FHAD1: variants seen among roughly 807,000 people sequenced by gnomAD.
The protein encoded by FHAD1 is forkhead-associated domain-containing protein 1.
In FHAD1, 146 loss-of-function variants were observed where a neutral mutation model predicts 191.3. That is an observed-to-expected ratio of 0.76 (90% CI 0.67 to 0.88). FHAD1 has a LOEUF of 0.88. FHAD1 is among the 40% of genes least tolerant of loss of function. The pLI is 0.00. For missense variants in FHAD1, 1,635 were observed against 1,785.8 expected, an observed-to-expected ratio of 0.92 and a Z score of 1.52; for synonymous variants, 616 against 672.3, an observed-to-expected ratio of 0.92 and a Z score of 1.29.
chr1:15,331,001 C>A (rs930253672), intron 14 of FHAD1, among the ~76,000 whole-genome samples: 4 of 152,010 alleles, frequency 2.6e-5, no homozygotes, highest in African/African-American at 7.3e-5. Context: ...AAAGAAGATT[C>A]AGGGGCGAGT....
chr1:15,381,486 C>A lies in FHAD1; in HGVS notation c.4022+35C>A. 4.7e-6 allele frequency: 7 copies of A among 1,498,356 alleles called. No individual in the cohort carries two copies. The highest frequency in any genetic ancestry group is 2.1e-4 in the Middle Eastern group (1 of 4,736). The allele number at this position is 1,498,356 out of a possible 1,614,324, so 92.8% of individuals were successfully genotyped here. A position where few individuals can be genotyped will look rare whatever the true frequency, so the allele number is the denominator to read the frequency against. On this transcript the variant is annotated intron_variant, in intron 30 of 33. Coordinates refer to ENST00000688493, the MANE Select transcript of FHAD1 (RefSeq NM_001391957.1). The surrounding 1 kb of genome is among the most constrained non-coding windows in gnomAD (Gnocchi z 4.6). ...CACCCCCATGTCCCCACAGAAAGGC[C>A]CGGGCCTCCCTTCTCCTGGCTAAAC... is the stretch of plus-strand genomic sequence containing the variant.
intron 21 of FHAD1, among the ~76,000 whole-genome samples, chr1:15,360,254 A>G (rs1332092461): frequency 6.6e-6 from 1 of 152,238 alleles, no homozygotes. Context: ...GTAGTCAGGG[A>G]GGGCCTCTCA....
At chr1:15,333,824 C>CTTT (rs55698715) in intron 14 of FHAD1, among the ~76,000 whole-genome samples, 2,686 of 64,818 alleles carry the variant, frequency 0.041, 305 homozygotes, top group African/African-American at 0.05. Flanking sequence ...TTTTATTTAT[C>CTTT]TTTTTTTTTT....
At chr1:15,285,335 C>T (rs1662064331) in intron 3 of FHAD1, among the ~76,000 whole-genome samples, 1 of 152,232 alleles carries the variant, frequency 6.6e-6, no homozygotes, top group Admixed American at 6.5e-5. Flanking sequence ...GGTTGAAGAC[C>T]AGCCTGGCCA....
intron 31 of FHAD1, chr1:15,383,707 C>G (rs1701441025): frequency 3.3e-6 from 1 of 304,048 alleles, no homozygotes; most frequent in Non-Finnish European, 6.6e-6. Context: ...TCATGACCGT[C>G]TCCAGGCCAG....
chr1:15,278,209 A>G (rs1183107007), intron 3 of FHAD1, among the ~76,000 whole-genome samples: 1 of 152,172 alleles, frequency 6.6e-6, no homozygotes, highest in East Asian at 1.9e-4. Flanking sequence ...GACAGAGATC[A>G]TATGGCACAC....
At chr1:15,398,955 G>T (rs1245721698), downstream of FHAD1, among the ~76,000 whole-genome samples, 2 of 151,926 alleles carry the variant, frequency 1.3e-5, no homozygotes, top group Non-Finnish European at 2.9e-5. Flanking sequence ...TAAGTAGCTG[G>T]GATTACAGGC....
chr1:15,360,059 G>A (rs1694249028), intron 21 of FHAD1, among the ~76,000 whole-genome samples: 1 of 152,204 alleles, frequency 6.6e-6, no homozygotes, highest in African/African-American at 2.4e-5. Context: ...GTTGCAGTGA[G>A]CCAAGATAGT....
intron 22 of FHAD1, 74 bp downstream of exon 22, chr1:15,360,777 C>A: frequency 8.0e-7 from 1 of 1,247,768 alleles, no homozygotes; most frequent in Non-Finnish European, 1.1e-6. Flanking sequence ...TCCCAACAGG[C>A]TGATGGCTAA....
intron 5 of FHAD1, among the ~76,000 whole-genome samples, chr1:15,297,660 G>A (rs745906514): frequency 6.6e-6 from 1 of 152,176 alleles, no homozygotes; most frequent in Admixed American, 6.5e-5. Flanking sequence ...TCTATGGGTT[G>A]CCTTGGAAGG....
At chr1:15,401,477 C>A (rs1707125513), downstream of FHAD1, among the ~76,000 whole-genome samples, 1 of 152,238 alleles carries the variant, frequency 6.6e-6, no homozygotes, top group Non-Finnish European at 1.5e-5. Flanking sequence ...AGCTAAGACA[C>A]ACAACTTCCT....
At chr1:15,337,250 G>C (rs529685114) in intron 14 of FHAD1, among the ~76,000 whole-genome samples, 4 of 152,186 alleles carry the variant, frequency 2.6e-5, no homozygotes, top group Non-Finnish European at 5.9e-5. Context: ...AGTCCTGCCA[G>C]TGCCTCAAAT....
At chr1:15,396,419 C>T (rs1012113256) in intron 33 of FHAD1, among the ~76,000 whole-genome samples, 17 of 152,012 alleles carry the variant, frequency 1.1e-4, no homozygotes, top group African/African-American at 2.7e-4. Flanking sequence ...CTTTGAGTAA[C>T]GTGATAATGA....
At chr1:15,390,684 C>T (rs553692695) in intron 32 of FHAD1, among the ~76,000 whole-genome samples, 1 of 152,088 alleles carries the variant, frequency 6.6e-6, no homozygotes, top group Non-Finnish European at 1.5e-5. Context: ...TCTTGGGGAC[C>T]CCAGGGTCAG....
At chr1:15,345,280 G>A in intron 17 of FHAD1, 90 bp downstream of exon 17, 1 of 1,370,710 alleles carries the variant, frequency 7.3e-7, no homozygotes, top group Middle Eastern at 1.9e-4. Context: ...CGCCGGCTCT[G>A]AGCTCCAGGG....
At chr1:15,286,036 G>A (rs1023080460) in intron 3 of FHAD1, among the ~76,000 whole-genome samples, 11 of 152,314 alleles carry the variant, frequency 7.2e-5, no homozygotes, top group East Asian at 1.9e-4. Context: ...GGTTACCAGC[G>A]GCTCTGAGGA....
Position 15,263,663 on chromosome 1 carries a change from A to G in FHAD1, c.94-8660A>G, listed in dbSNP as rs367547794. Among the ~76,000 whole-genome samples, 78 of 151,968 alleles carry G rather than the reference A, an allele frequency of 5.1e-4. 1 individual carries two copies. The East Asian group carries it at 0.011, about 22-fold the overall frequency. On this transcript the variant is annotated intron_variant, in intron 2 of 33. Coordinates refer to ENST00000688493, the MANE Select transcript of FHAD1 (RefSeq NM_001391957.1). The stretch of plus-strand genomic sequence containing the variant: ...CAGCCTCCCAAGTAGCTGGGACTAC[A>G]GGCACCTGCCACCACGCCCAACTAA...
chr1:15,315,808 A>G (rs2101380216), intron 8 of FHAD1, among the ~76,000 whole-genome samples: 1 of 152,156 alleles, frequency 6.6e-6, no homozygotes, highest in Non-Finnish European at 1.5e-5. Context: ...TTTGTTCACT[A>G]TGGCTAACAA....
At chr1:15,377,442 T>C (rs1450480966) in intron 28 of FHAD1, among the ~76,000 whole-genome samples, 2 of 152,036 alleles carry the variant, frequency 1.3e-5, no homozygotes, top group African/African-American at 4.8e-5. Context: ...GGCCTTCCCC[T>C]CCACAGGGCC....
Sources: allele counts gnomAD v4.1 joint callset (sites outside exome capture counted in the v4.1 genomes callset), GRCh38; gene constraint gnomAD v4.1.1; non-coding constraint Gnocchi (gnomAD v3.1); transcripts MANE v1.5; gene names NCBI Gene and HGNC (gene_info 2026-07-23, HGNC 2026-07-21).